Variants in CDH18 observed in about 807,000 individuals in gnomAD.
The protein encoded by CDH18 is cadherin 18.
A neutral mutation model predicts 67.9 loss-of-function variants in CDH18; 31 were observed. The ratio of observed to expected loss-of-function variants is 0.46; its 90% confidence interval spans 0.34 to 0.62. CDH18 has a LOEUF of 0.62. CDH18 is among the 20% of genes least tolerant of loss of function. The probability of loss-of-function intolerance (pLI) is 0.01; values close to 1 mark genes in which losing one functional copy is unlikely to be tolerated. For missense variants in CDH18, 890 were observed against 975.5 expected (o/e 0.91, Z 1.17); for synonymous variants, 362 against 347.2 (o/e 1.04, Z -0.48).
intron 8 of CDH18, among the ~76,000 whole-genome samples, chr5:19,544,509 C>T (rs1735981868): frequency 6.6e-6 from 1 of 151,838 alleles, no homozygotes; most frequent in Admixed American, 6.6e-5. Context: ...CATCACAGTT[C>T]AACTAAACCC....
chr5:19,626,959 G>C (rs1751648019), intron 5 of CDH18, among the ~76,000 whole-genome samples: 1 of 152,036 alleles, frequency 6.6e-6, no homozygotes, highest in African/African-American at 2.4e-5. Context: ...ACTTTAAAAA[G>C]TAATAAATAT....
At chr5:19,726,524 T>C (rs1488510152) in intron 4 of CDH18, among the ~76,000 whole-genome samples, 2 of 152,092 alleles carry the variant, frequency 1.3e-5, no homozygotes, top group African/African-American at 4.8e-5. Context: ...CCCAACTAAA[T>C]GCCAGCCCAT....
intron 2 of CDH18, among the ~76,000 whole-genome samples, chr5:20,026,321 G>A (rs756116226): frequency 7.9e-5 from 12 of 152,104 alleles, no homozygotes; most frequent in African/African-American, 1.7e-4. Flanking sequence ...ACTTGCAGTC[G>A]CTAAGCTTCA....
intron 9 of CDH18, among the ~76,000 whole-genome samples, chr5:19,541,700 C>T (rs1750311474): frequency 6.6e-6 from 1 of 152,128 alleles, no homozygotes; most frequent in African/African-American, 2.4e-5. Context: ...GAGACTTATT[C>T]ACTATCATGA....
At chr5:20,342,183 T>C (rs1740324556) in intron 1 of CDH18, among the ~76,000 whole-genome samples, 1 of 152,198 alleles carries the variant, frequency 6.6e-6, no homozygotes, top group East Asian at 1.9e-4. Flanking sequence ...ACTGTTAAAG[T>C]GAGGGTATTG....
At chr5:20,187,754 A>G (rs1738214470) in intron 2 of CDH18, among the ~76,000 whole-genome samples, 1 of 151,888 alleles carries the variant, frequency 6.6e-6, no homozygotes, top group Non-Finnish European at 1.5e-5. Flanking sequence ...TTTTATATTA[A>G]CACCAAATTT....
intron 2 of CDH18, among the ~76,000 whole-genome samples, chr5:20,109,121 T>C (rs1747234781): frequency 6.6e-6 from 1 of 152,132 alleles, no homozygotes; most frequent in African/African-American, 2.4e-5. Flanking sequence ...TTAAGATGCA[T>C]CCCATACATT....
chr5:20,381,194 A>C (rs1449630619), intron 1 of CDH18, among the ~76,000 whole-genome samples: 1 of 152,190 alleles, frequency 6.6e-6, no homozygotes, highest in Non-Finnish European at 1.5e-5. Flanking sequence ...CAGTATCTTG[A>C]TTTTAATCTA....
chr5:19,802,061 A>C (rs968717057), intron 3 of CDH18, among the ~76,000 whole-genome samples: 1 of 152,206 alleles, frequency 6.6e-6, no homozygotes, highest in Non-Finnish European at 1.5e-5. Context: ...AGTAAAAAAA[A>C]TTAGCATAAA....
At chr5:19,661,065 A>C (rs1298623264) in intron 5 of CDH18, among the ~76,000 whole-genome samples, 2 of 152,072 alleles carry the variant, frequency 1.3e-5, no homozygotes, top group Admixed American at 6.6e-5. Flanking sequence ...AAAAAACAAA[A>C]GACAAAGATA....
At chr5:19,537,940 A>C (rs1483275021) in intron 9 of CDH18, among the ~76,000 whole-genome samples, 3 of 152,204 alleles carry the variant, frequency 2.0e-5, no homozygotes, top group Non-Finnish European at 4.4e-5. Context: ...AAATACAGAA[A>C]ATTTTAAGAG....
intron 2 of CDH18, among the ~76,000 whole-genome samples, chr5:20,207,156 A>T (rs1739963386): frequency 6.6e-6 from 1 of 152,068 alleles, no homozygotes; most frequent in Admixed American, 6.6e-5. Flanking sequence ...TCTACAGAAT[A>T]TATAGTCAAC....
At chr5:19,714,725 G>T (rs1264387027) in intron 5 of CDH18, among the ~76,000 whole-genome samples, 1 of 134,340 alleles carries the variant, frequency 7.4e-6, no homozygotes, top group South Asian at 2.3e-4. Context: ...ACATACAGCA[G>T]GTCCTCAAAT....
chr5:19,526,480 A>G (rs1442918605), intron 9 of CDH18, among the ~76,000 whole-genome samples: 1 of 152,146 alleles, frequency 6.6e-6, no homozygotes, highest in Non-Finnish European at 1.5e-5. Flanking sequence ...ACTTTTGGAA[A>G]GACTGATATG....
At chr5:19,931,584 C>T (rs369980174) in intron 2 of CDH18, among the ~76,000 whole-genome samples, 13 of 151,702 alleles carry the variant, frequency 8.6e-5, no homozygotes, top group African/African-American at 2.9e-4. Flanking sequence ...AGTCTAAAAA[C>T]TGTTGGTGGT....
At chr5:20,250,023 C>T (rs1289481570) in intron 2 of CDH18, among the ~76,000 whole-genome samples, 1 of 151,996 alleles carries the variant, frequency 6.6e-6, no homozygotes, top group Non-Finnish European at 1.5e-5. Flanking sequence ...ATATTAACAT[C>T]AAGTCTGTCT....
intron 5 of CDH18, among the ~76,000 whole-genome samples, chr5:19,677,960 T>C (rs1368754868): frequency 6.6e-6 from 1 of 151,856 alleles, no homozygotes; most frequent in East Asian, 1.9e-4. Context: ...ATATGTTATA[T>C]ATATAAAACA....
chr5:19,863,740 C>G (rs1785153182), intron 2 of CDH18, among the ~76,000 whole-genome samples: 2 of 152,144 alleles, frequency 1.3e-5, no homozygotes, highest in Admixed American at 1.3e-4. Flanking sequence ...GCCTAATAAT[C>G]AGGTCACCAG....
intron 5 of CDH18, among the ~76,000 whole-genome samples, chr5:19,629,660 T>A (rs956684050): frequency 1.3e-5 from 2 of 152,218 alleles, no homozygotes; most frequent in Non-Finnish European, 2.9e-5. Flanking sequence ...CTGCATATAT[T>A]ACTTTGTCTG....
Sources: gnomAD v4.1 joint callset for allele counts (sites outside exome capture counted in the v4.1 genomes callset) on GRCh38, gnomAD v4.1.1 for gene constraint, MANE v1.5 for transcripts, NCBI Gene and HGNC (gene_info 2026-07-23, HGNC 2026-07-21) for gene names.